Variants in LIX1 observed in about 807,000 individuals in gnomAD.
The protein encoded by LIX1 is protein limb expression 1 homolog.
In LIX1, 24 loss-of-function variants were observed where a neutral mutation model predicts 33.4. The observed-to-expected ratio is 0.72, with a 90% CI of 0.52 to 1.01. The LOEUF is 1.01. Ranked by LOEUF, LIX1 falls within the 50% of genes least tolerant of loss-of-function variation. LIX1 has a pLI of 0.00. For synonymous variants in LIX1, 124 were observed against 124.0 expected (o/e 1.00, Z 0.00); for missense variants, 311 against 339.2 (o/e 0.92, Z 0.65).
intron 1 of LIX1, among the ~76,000 whole-genome samples, chr5:97,139,988 A>T (rs1266739872): frequency 6.6e-6 from 1 of 152,256 alleles, no homozygotes; most frequent in African/African-American, 2.4e-5. Context: ...AACTATTCCC[A>T]TGTGCATCTG....
intron 2 of LIX1, among the ~76,000 whole-genome samples, chr5:97,110,690 C>T (rs770950651): frequency 2.0e-5 from 3 of 152,124 alleles, no homozygotes; most frequent in South Asian, 2.1e-4. Context: ...GTGATCCGCC[C>T]GCCTTGGCCT....
At chr5:97,125,648 A>G (rs1184386450) in intron 1 of LIX1, among the ~76,000 whole-genome samples, 1 of 152,128 alleles carries the variant, frequency 6.6e-6, no homozygotes, top group Non-Finnish European at 1.5e-5. Flanking sequence ...CAAAAAGTTT[A>G]TTTCCTTATC....
intron 2 of LIX1, among the ~76,000 whole-genome samples, chr5:97,123,875 C>T (rs1340043228): frequency 2.0e-5 from 3 of 152,126 alleles, no homozygotes; most frequent in Non-Finnish European, 4.4e-5. Flanking sequence ...AACTGAATGC[C>T]TCAGTTCACA....
intron 2 of LIX1, among the ~76,000 whole-genome samples, chr5:97,117,380 G>A (rs1293270687): frequency 6.6e-6 from 1 of 152,186 alleles, no homozygotes; most frequent in Non-Finnish European, 1.5e-5. Flanking sequence ...CAAGTTTATA[G>A]CAGGAACTAA....
At chr5:97,128,439 T>A (rs1316474817) in intron 1 of LIX1, among the ~76,000 whole-genome samples, 1 of 152,152 alleles carries the variant, frequency 6.6e-6, no homozygotes, top group African/African-American at 2.4e-5. Flanking sequence ...AGCATGGAAA[T>A]CTTGTCTTGT....
intron 1 of LIX1, chr5:97,136,983 C>G (rs1483640407): frequency 3.5e-6 from 1 of 289,588 alleles, no homozygotes; most frequent in African/African-American, 2.2e-5. Flanking sequence ...AAATGTATTA[C>G]AAAAAGAAGA....
intron 2 of LIX1, among the ~76,000 whole-genome samples, chr5:97,120,931 A>C (rs1002730392): frequency 1.3e-5 from 2 of 152,188 alleles, no homozygotes; most frequent in Non-Finnish European, 2.9e-5. Context: ...TTCAATGAAT[A>C]ATGATTTATA....
intron 1 of LIX1, among the ~76,000 whole-genome samples, chr5:97,133,145 T>A (rs990290936): frequency 6.6e-6 from 1 of 152,236 alleles, no homozygotes; most frequent in Non-Finnish European, 1.5e-5. Context: ...AGAAGAGTCC[T>A]CAAATACAGG....
Position 97,094,561 on chromosome 5 carries a change from C to T in LIX1, c.*187G>A, listed in dbSNP as rs1364424589. 1.6e-5 allele frequency: 9 copies of T among 560,412 alleles called. No homozygotes were observed. The highest frequency in any genetic ancestry group is 2.5e-5 in the Non-Finnish European group (8 of 318,286). 34.7% of individuals were successfully genotyped at this position (560,412 alleles called of 1,614,324 possible). A position where few individuals can be genotyped will look rare whatever the true frequency, so the allele number is the denominator to read the frequency against. On this transcript the variant is annotated 3_prime_UTR_variant, in exon 6 of 6. Transcript: ENST00000274382. Reference sequence around the variant, plus strand: ...TTGAGAATGTGATAGAAAAATGCATCGAGTGGCTTGTTGGGTCTTGTAAGG... The same window carrying T: ...TTGAGAATGTGATAGAAAAATGCATTGAGTGGCTTGTTGGGTCTTGTAAGG...
chr5:97,106,711 TA>T (rs56876243), intron 3 of LIX1, among the ~76,000 whole-genome samples: 2,431 of 151,778 alleles, frequency 0.016, 60 homozygotes, highest in African/African-American at 0.056. Context: ...TTATATTGCT[TA>T]AAAAAAAATC....
intron 4 of LIX1, among the ~76,000 whole-genome samples, chr5:97,099,800 A>C (rs1190665519): frequency 6.6e-6 from 1 of 152,186 alleles, no homozygotes; most frequent in Non-Finnish European, 1.5e-5. Flanking sequence ...TCGCGATACC[A>C]CACTCCAGCC....
At position 97,107,482 on chromosome 5, in the gene LIX1, C is replaced by T. The variant is rs747603292; in HGVS notation, c.265G>A (p.Glu89Lys). The T allele has an allele frequency of 2.9e-5, 46 of 1,613,876 alleles. No homozygotes were observed. The Admixed American group carries it at 3.8e-4, about 13-fold the overall frequency. The change falls in exon 3 of 6, where the codon GAG becomes AAG. Residue 89 changes from glutamate (E) to lysine (K), a missense_variant. Physicochemically the swap from Glu to Lys is moderately conservative, Grantham distance 56 (BLOSUM62 1). Transcript: ENST00000274382. The stretch of plus-strand genomic sequence containing the variant: ...ACTTTAGCTGCATCCCGCCTGGCCT[C>T]GGCTCTACTTAAGCAGCACTTGAGA... ...GNFQCCLSRA[E>K]ARRDAAKVAL...
intron 2 of LIX1, among the ~76,000 whole-genome samples, chr5:97,118,648 T>C (rs1403138852): frequency 6.6e-6 from 1 of 152,208 alleles, no homozygotes; most frequent in Non-Finnish European, 1.5e-5. Context: ...ATTTCTTTTA[T>C]AAAAGATCCA....
At chr5:97,116,208 C>T (rs951429661) in intron 2 of LIX1, among the ~76,000 whole-genome samples, 1 of 152,192 alleles carries the variant, frequency 6.6e-6, no homozygotes, top group African/African-American at 2.4e-5. Flanking sequence ...TGCTTTAAAA[C>T]CTTGACTACC....
chr5:97,112,430 A>G (rs1450286979), intron 2 of LIX1, among the ~76,000 whole-genome samples: 2 of 152,224 alleles, frequency 1.3e-5, no homozygotes. Context: ...TGTTATTTCA[A>G]AGTAACTTCC....
intron 2 of LIX1, among the ~76,000 whole-genome samples, chr5:97,114,836 A>G (rs1472225566): frequency 6.6e-6 from 1 of 152,212 alleles, no homozygotes; most frequent in Non-Finnish European, 1.5e-5. Context: ...GAAATTACAA[A>G]TAAAAAGATT....
chr5:97,119,233 A>G (rs1747717607), intron 2 of LIX1, among the ~76,000 whole-genome samples: 1 of 152,222 alleles, frequency 6.6e-6, no homozygotes. Context: ...TGGTTTCTCC[A>G]TGTTTCAGCA....
At chr5:97,120,605 G>A (rs1747753765) in intron 2 of LIX1, among the ~76,000 whole-genome samples, 1 of 152,132 alleles carries the variant, frequency 6.6e-6, no homozygotes, top group African/African-American at 2.4e-5. Context: ...GGTGGCAATA[G>A]CATTTCCTAA....
intron 4 of LIX1, among the ~76,000 whole-genome samples, chr5:97,100,219 C>T (rs1036238068): frequency 2.6e-5 from 4 of 152,210 alleles, no homozygotes; most frequent in South Asian, 2.1e-4. Context: ...TCTCATGCCC[C>T]TTGACAACCT....
Sources: gnomAD v4.1 joint callset for allele counts (sites outside exome capture counted in the v4.1 genomes callset) on GRCh38, gnomAD v4.1.1 for gene constraint, MANE v1.5 for transcripts, NCBI Gene and HGNC (gene_info 2026-07-23, HGNC 2026-07-21) for gene names.